The following ARFGEF1 variants were observed in gnomAD, a reference collection of about 807,000 sequenced individuals.
The protein encoded by ARFGEF1 is brefeldin A-inhibited guanine nucleotide-exchange protein 1.
Under a neutral mutation model 231.0 loss-of-function variants are expected in ARFGEF1, and 42 were observed. The ratio of observed to expected loss-of-function variants is 0.18; its 90% CI spans 0.14 to 0.24. The LOEUF is 0.24. ARFGEF1 is among the 10% of genes least tolerant of loss of function. The pLI is 1.00. For missense variants in ARFGEF1, 1,345 were observed against 2,192.0 expected (o/e 0.61, Z 7.72); for synonymous variants, 710 against 732.3 (o/e 0.97, Z 0.49).
rs1327974321 is a variant in ARFGEF1 at position 67,271,967 on chromosome 8, GAACA to G, written c.1338-35_1338-32del. On this transcript the variant is annotated intron_variant, in intron 9 of 38. Transcript: ENST00000262215. ...ATGTAAAAAAGAAGGCATAGTATAT[GAACA>G]AGGTTGGCATTATAGTAATAACAGG... 3.6e-6 allele frequency: 5 copies of G among 1,398,066 alleles called. No homozygotes were observed. The Admixed American group carries it at 9.9e-5, about 28-fold the overall frequency. The allele number at this position is 1,398,066 out of a possible 1,614,324, so 86.6% of individuals were successfully genotyped here.
chr8:67,238,295 T>C (rs1839830523), intron 22 of ARFGEF1, 48 bp downstream of exon 22: 1 of 1,521,382 alleles, frequency 6.6e-7, no homozygotes, highest in East Asian at 2.3e-5. Context: ...AAGTGACTTA[T>C]AATGAGGAAG....
chr8:67,223,902 TATAAA>T (rs1402662964), intron 29 of ARFGEF1, among the ~76,000 whole-genome samples: 1 of 152,206 alleles, frequency 6.6e-6, no homozygotes, highest in Non-Finnish European at 1.5e-5. Flanking sequence ...CATGTCTAAA[TATAAA>T]ATAAAATGTT....
At chr8:67,239,242 G>A (rs767663397) in intron 20 of ARFGEF1, among the ~76,000 whole-genome samples, 3 of 151,836 alleles carry the variant, frequency 2.0e-5, no homozygotes, top group South Asian at 2.1e-4. Context: ...TCCTGATCTC[G>A]TGATCTGCCC....
At chr8:67,228,966 G>C (rs567193737) in intron 23 of ARFGEF1, among the ~76,000 whole-genome samples, 5 of 152,114 alleles carry the variant, frequency 3.3e-5, no homozygotes, top group Non-Finnish European at 7.4e-5. Context: ...TCACTTTCAA[G>C]AAGGATGACA....
intron 10 of ARFGEF1, among the ~76,000 whole-genome samples, chr8:67,271,027 AAAAAAAAAAAAAAAAAGGAAAAAG>A (rs1805066893): frequency 7.1e-6 from 1 of 141,196 alleles, no homozygotes; most frequent in South Asian, 2.2e-4. Flanking sequence ...TCCATCTCCA[AAAAAAAAAAAAAAAAAGGAAAAAG>A]AAAAAAAAAA....
In ARFGEF1 at chr8:67,199,112, G is replaced by T; in HGVS notation, c.5386-14C>A. ...ATGAGCTTTAAACTGCAGGGAAAATGAATTTCTCCATTAGTAGTGATTGCA... is the reference window on the plus strand; with the variant it reads ...ATGAGCTTTAAACTGCAGGGAAAATTAATTTCTCCATTAGTAGTGATTGCA... On this transcript the variant is annotated splice_polypyrimidine_tract_variant and intron_variant, in intron 38 of 38. Coordinates refer to ENST00000262215, the MANE Select transcript of ARFGEF1 (RefSeq NM_006421.5). 1.9e-6 allele frequency: 3 copies of T among 1,601,788 alleles called. No homozygotes were observed. The highest frequency in any genetic ancestry group is 1.7e-6 in the Non-Finnish European group (2 of 1,176,900).
chr8:67,194,431 A>T (rs991778691), downstream of ARFGEF1, among the ~76,000 whole-genome samples: 1 of 152,234 alleles, frequency 6.6e-6, no homozygotes, highest in African/African-American at 2.4e-5. Flanking sequence ...TTCCACACCA[A>T]ACACAAAGCA....
intron 14 of ARFGEF1, among the ~76,000 whole-genome samples, chr8:67,263,290 T>A (rs1256867674): frequency 2.0e-5 from 3 of 152,134 alleles, no homozygotes; most frequent in Non-Finnish European, 4.4e-5. Context: ...ACACCTGTCA[T>A]TTGGGCTATT....
At chr8:67,267,622 A>G (rs1804902047) in intron 10 of ARFGEF1, among the ~76,000 whole-genome samples, 180 bp from the exon 11 acceptor site, 1 of 152,148 alleles carries the variant, frequency 6.6e-6, no homozygotes, top group African/African-American at 2.4e-5. Flanking sequence ...AGTGACTTAA[A>G]CTTGCCCTTC....
chr8:67,237,108 A>G (rs868648747), intron 22 of ARFGEF1, among the ~76,000 whole-genome samples: 1 of 152,186 alleles, frequency 6.6e-6, no homozygotes. Context: ...AAAGTTACTG[A>G]GCCAATCAGT....
chr8:67,329,529 AAAATAAAT>A (rs755348912), intron 1 of ARFGEF1, among the ~76,000 whole-genome samples: 371 of 146,018 alleles, frequency 2.5e-3, no homozygotes, highest in East Asian at 4.0e-3. Flanking sequence ...ACTCCATCTC[AAAATAAAT>A]AAATAAATAA....
At chr8:67,194,993 A>AAAAG (rs369818710), downstream of ARFGEF1, among the ~76,000 whole-genome samples, 3 of 152,326 alleles carry the variant, frequency 2.0e-5, no homozygotes, top group African/African-American at 7.2e-5. Flanking sequence ...ATAAAAAGAA[A>AAAAG]AAAGAAAGAA....
intron 22 of ARFGEF1, among the ~76,000 whole-genome samples, chr8:67,236,323 AAAAAAAAAAAAAAAAAGATATTAGTT>A (rs1427536082): frequency 8.9e-6 from 1 of 111,838 alleles, no homozygotes; most frequent in African/African-American, 4.6e-5. Context: ...GACTCAAAAA[AAAAAAAAAAAAAAAAAGATATTAGTT>A]AAAAAAAAAA....
intron 7 of ARFGEF1, among the ~76,000 whole-genome samples, chr8:67,285,445 A>G (rs55890263): frequency 0.016 from 2,391 of 152,248 alleles, 57 homozygotes; most frequent in African/African-American, 0.053. Flanking sequence ...TGAGCCCAAG[A>G]GACCGAGGGT....
intron 1 of ARFGEF1, among the ~76,000 whole-genome samples, chr8:67,329,899 T>C (rs910616772): frequency 5.3e-5 from 8 of 151,924 alleles, no homozygotes; most frequent in Admixed American, 6.6e-5. Flanking sequence ...ATGTTAAGGA[T>C]AGAAAGCTTC....
chr8:67,292,764 A>T (rs1375988831), intron 5 of ARFGEF1, among the ~76,000 whole-genome samples: 1 of 152,168 alleles, frequency 6.6e-6, no homozygotes, highest in Non-Finnish European at 1.5e-5. Context: ...AGAAACATTA[A>T]CTGGGATCAC....
chr8:67,205,873 T>A (rs868563150), intron 34 of ARFGEF1, among the ~76,000 whole-genome samples: 2 of 148,476 alleles, frequency 1.3e-5, no homozygotes, highest in Non-Finnish European at 3.0e-5. Flanking sequence ...AATAAATAAA[T>A]AAATAAATAA....
chr8:67,306,890 G>C (rs1310577607), intron 1 of ARFGEF1, among the ~76,000 whole-genome samples: 3 of 152,166 alleles, frequency 2.0e-5, no homozygotes, highest in African/African-American at 4.8e-5. Flanking sequence ...CAATTCTCCT[G>C]CCTCAGCCTC....
chr8:67,258,329 CTTTTT>C, intron 15 of ARFGEF1, 39 bp from the exon 16 acceptor site: 3 of 1,127,434 alleles, frequency 2.7e-6, no homozygotes, highest in Admixed American at 2.5e-5. Flanking sequence ...TATTTTCTTT[CTTTTT>C]TTTTTTTTTG....
Sources: gnomAD v4.1 joint callset for allele counts (sites outside exome capture counted in the v4.1 genomes callset) on GRCh38, gnomAD v4.1.1 for gene constraint, MANE v1.5 for transcripts, NCBI Gene and HGNC (gene_info 2026-07-23, HGNC 2026-07-21) for gene names.